CIMIP2C: variants seen among roughly 807,000 people sequenced by gnomAD.
CIMIP2C encodes UPF0573 protein C2orf70.
chr2:26,577,809 G>A, the CIMIP2C span: 12 of 546,294 alleles, frequency 2.2e-5, no homozygotes, highest in African/African-American at 1.8e-4. Flanking sequence ...AGCCTCAGGG[G>A]GGATGGTGGT....
At chr2:26,568,973 T>C in the CIMIP2C span, among the ~76,000 whole-genome samples, 1 of 147,188 alleles carries the variant, frequency 6.8e-6, no homozygotes, top group African/African-American at 2.5e-5. Context: ...GTGAGGACCA[T>C]GCCATTGCAC....
the CIMIP2C span, among the ~76,000 whole-genome samples, chr2:26,564,490 G>C: frequency 3.9e-5 from 6 of 152,186 alleles, no homozygotes; most frequent in East Asian, 9.6e-4. Flanking sequence ...CTTCAAGCCT[G>C]GACTGGGCTA....
chr2:26,570,783 A>G, the CIMIP2C span, among the ~76,000 whole-genome samples: 2 of 152,166 alleles, frequency 1.3e-5, no homozygotes, highest in African/African-American at 2.4e-5. Context: ...TGCTGTATGG[A>G]CAGCAGGCTG....
At chr2:26,576,710 C>T in the CIMIP2C span, among the ~76,000 whole-genome samples, 3 of 152,210 alleles carry the variant, frequency 2.0e-5, no homozygotes, top group African/African-American at 7.2e-5. Flanking sequence ...CTCTCAGCCC[C>T]AGCCTGGGCG....
the CIMIP2C span, chr2:26,577,423 C>A: frequency 8.0e-7 from 1 of 1,243,744 alleles, no homozygotes; most frequent in Non-Finnish European, 1.2e-6. Context: ...TGGCCCCCAA[C>A]CCTGCCCAGG....
chr2:26,566,068 C>T, the CIMIP2C span, among the ~76,000 whole-genome samples: 3 of 152,214 alleles, frequency 2.0e-5, no homozygotes, highest in South Asian at 2.1e-4. Flanking sequence ...GCTTGCAAGT[C>T]GGATCTGGGT....
the CIMIP2C span, among the ~76,000 whole-genome samples, chr2:26,566,070 G>T: frequency 1.3e-5 from 2 of 152,216 alleles, no homozygotes; most frequent in Non-Finnish European, 2.9e-5. Flanking sequence ...TTGCAAGTCG[G>T]ATCTGGGTGG....
the CIMIP2C span, chr2:26,562,618 C>T: frequency 6.3e-7 from 1 of 1,580,766 alleles, no homozygotes; most frequent in Non-Finnish European, 8.6e-7. Context: ...CCACCATGGC[C>T]TCCCGCAGCG....
the CIMIP2C span, chr2:26,579,273 C>T: frequency 6.2e-7 from 1 of 1,612,266 alleles, no homozygotes; most frequent in Non-Finnish European, 8.5e-7. Flanking sequence ...TGCATAACAC[C>T]AGTCCCATCC....
At chr2:26,577,389 C>T in the CIMIP2C span, 1 of 827,358 alleles carries the variant, frequency 1.2e-6, no homozygotes, top group Admixed American at 2.8e-5. Flanking sequence ...AACTCCGGGA[C>T]TCCTCCGGGG....
chr2:26,563,527 G>C, the CIMIP2C span, among the ~76,000 whole-genome samples: 4 of 152,156 alleles, frequency 2.6e-5, no homozygotes, highest in Non-Finnish European at 4.4e-5. Context: ...CTGAGAACAG[G>C]CACTGGATTC....
chr2:26,568,912 T>G, the CIMIP2C span, among the ~76,000 whole-genome samples: 1 of 151,370 alleles, frequency 6.6e-6, no homozygotes, highest in African/African-American at 2.4e-5. Flanking sequence ...TCCCAGCTAC[T>G]TGGGAGGCTG....
chr2:26,577,507 G>A, the CIMIP2C span: 2 of 1,611,772 alleles, frequency 1.2e-6, no homozygotes, highest in Admixed American at 1.7e-5. Flanking sequence ...TTCCTTGATT[G>A]AACCATAGAT....
the CIMIP2C span, chr2:26,577,766 A>G: frequency 1.6e-6 from 1 of 640,740 alleles, no homozygotes; most frequent in South Asian, 2.0e-5. Flanking sequence ...GCAGAGAGTG[A>G]TGGTTACAGA....
chr2:26,569,028 A>C, the CIMIP2C span, among the ~76,000 whole-genome samples: 1 of 151,914 alleles, frequency 6.6e-6, no homozygotes, highest in South Asian at 2.1e-4. Flanking sequence ...AAAAAAAAAA[A>C]AAAGAAAAGA....
the CIMIP2C span, among the ~76,000 whole-genome samples, chr2:26,566,226 G>C: frequency 6.6e-6 from 1 of 152,194 alleles, no homozygotes; most frequent in Non-Finnish European, 1.5e-5. Context: ...CCAAGAGTGA[G>C]GGCAGGAGGA....
chr2:26,569,610 G>GGGCC, the CIMIP2C span, among the ~76,000 whole-genome samples: 123 of 152,280 alleles, frequency 8.1e-4, no homozygotes, highest in African/African-American at 2.8e-3. Flanking sequence ...GTTGGCTGTG[G>GGGCC]GGCCAAGCAG....
chr2:26,565,052 TCCTTCTTCTTCC>T, the CIMIP2C span, among the ~76,000 whole-genome samples: 2 of 151,622 alleles, frequency 1.3e-5, no homozygotes, highest in African/African-American at 2.4e-5. Flanking sequence ...CTTCTCCTTC[TCCTTCTTCTTCC>T]CCTTCCCCTT....
At chr2:26,575,867 A>T in the CIMIP2C span, 2 of 1,601,626 alleles carry the variant, frequency 1.2e-6, no homozygotes, top group Non-Finnish European at 1.7e-6. Flanking sequence ...CCCTTCACTG[A>T]TCTGTGGCTC....
Sources: gnomAD v4.1 joint callset for allele counts (sites outside exome capture counted in the v4.1 genomes callset) on GRCh38, gnomAD v4.1.1 for gene constraint, MANE v1.5 for transcripts, NCBI Gene and HGNC (gene_info 2026-07-23, HGNC 2026-07-21) for gene names.